Variants in OFD1 observed in about 807,000 individuals in gnomAD.
OFD1 encodes the protein OFD1 centriole and centriolar satellite protein.
Under a neutral mutation model 81.4 loss-of-function variants are expected in OFD1, and 12 were observed. The ratio of observed to expected loss-of-function variants is 0.15; its 90% CI spans 0.09 to 0.24. The LOEUF (loss-of-function observed/expected upper bound fraction) is 0.24. Ranked by LOEUF, OFD1 falls within the 10% of genes least tolerant of loss-of-function variation. OFD1 has a pLI of 1.00. For synonymous variants in OFD1, 256 were observed against 263.7 expected (o/e 0.97, Z 0.28); for missense variants, 685 against 733.9 (o/e 0.93, Z 0.77).
downstream of OFD1, among the ~76,000 whole-genome samples, chrX:13,770,267 G>T (rs1291995081): frequency 8.9e-6 from 1 of 111,982 alleles, no homozygotes; most frequent in African/African-American, 3.2e-5. Context: ...TTAAACAGAA[G>T]ATACTAAGTA....
chrX:13,740,350 G>A, intron 5 of OFD1: 1 of 303,561 alleles, frequency 3.3e-6, no homozygotes, highest in Non-Finnish European at 6.1e-6. Context: ...TGTGGCTAGT[G>A]TGACTGGATA....
At chrX:13,716,472 T>A in the OFD1 span, 14 of 1,168,077 alleles carry the variant, frequency 1.2e-5, no homozygotes, top group Middle Eastern at 2.4e-4. Flanking sequence ...CTATGTTCCA[T>A]GTTCTTCTGG....
At chrX:13,773,301 G>A (rs72614512), downstream of OFD1, 8,295 of 206,103 alleles carry the variant, frequency 0.04, 259 homozygotes, top group East Asian at 0.14. Context: ...AATGAAATAC[G>A]AGAGGGTGCT....
At chrX:13,739,399 C>A (rs746413507) in intron 5 of OFD1, 1 of 167,854 alleles carries the variant, frequency 6.0e-6, no homozygotes, top group African/African-American at 3.1e-5. Context: ...ATTAATATTT[C>A]CTTAAAGAAT....
At chrX:13,716,246 AGAG>A in the OFD1 span, 2 of 649,960 alleles carry the variant, frequency 3.1e-6, no homozygotes, top group East Asian at 7.2e-5. Flanking sequence ...TTTATCATAA[AGAG>A]AACATAAGCT....
rs745656062 is a variant in OFD1 at position 13,738,924 on chromosome X, C to G, written c.381+10C>G. The G allele has an allele frequency of 4.2e-6, 5 of 1,182,352 alleles. No homozygotes were observed. In the East Asian group the frequency reaches 1.2e-4, roughly 28 times the overall value. The stretch of plus-strand genomic sequence containing the variant: ...TCTCTACAAATCACTGGTAAGATGG[C>G]TTAGTTTCTGTAATCTACTTTGGTT... On this transcript the variant is annotated intron_variant, in intron 4 of 22. Coordinates refer to ENST00000340096, the MANE Select transcript of OFD1 (RefSeq NM_003611.3).
rs776834508 is a variant in OFD1 at position 13,746,435 on chromosome X, C to T, written c.634C>T (p.Arg212Trp). 8 of 1,209,654 alleles carry T rather than the reference C, an allele frequency of 6.6e-6. No homozygotes were observed. The highest frequency in any genetic ancestry group is 3.0e-5 in the East Asian group (1 of 33,841). The change falls in exon 7 of 23, where the codon CGG (arginine) becomes TGG (tryptophan). Residue 212 changes from arginine to tryptophan, a missense_variant. This residue lies in a region of OFD1 where 414 missense variants were observed against 447.2 expected (regional missense o/e 0.93). Coordinates refer to ENST00000340096, the MANE Select transcript of OFD1 (RefSeq NM_003611.3). ...TAAGAGAGAAATAGAAGAGCAACTT[C>T]GGGCAGAAATGTGTCAAAAGGTAAG... ...EYKREIEEQLRAEMCQKLKFF... is the reference protein window; with the variant it reads ...EYKREIEEQLWAEMCQKLKFF...
chrX:13,767,963 AG>A, intron 20 of OFD1, 90 bp from the exon 21 acceptor site: 2 of 913,131 alleles, frequency 2.2e-6, no homozygotes, highest in Non-Finnish European at 3.1e-6. Flanking sequence ...CTGTACTTGA[AG>A]GATCGGGATT....
chrX:13,763,779 C>T lies in OFD1; in HGVS notation c.2523C>T (p.Gly841=), dbSNP rs757258869. The T allele has an allele frequency of 2.5e-5, 30 of 1,209,334 alleles. No individual in the cohort carries two copies. The highest frequency in any genetic ancestry group is 1.4e-4 in the South Asian group (8 of 56,784). Residue 841 remains glycine, a synonymous_variant, in exon 19 of 23, where the codon GGC becomes GGT. Coordinates refer to ENST00000340096, the MANE Select transcript of OFD1 (RefSeq NM_003611.3). ...AGNMPRQLEM[G]GLSPAGDMSH... is the part of the protein sequence containing the mutation. The stretch of plus-strand genomic sequence containing the variant: ...ACATGCCAAGGCAGTTGGAAATGGG[C>T]GGGCTTTCTCCTGCCGGGGATATGT...
the OFD1 span, chrX:13,720,015 T>C: frequency 7.7e-5 from 71 of 924,125 alleles, 1 homozygote; most frequent in South Asian, 2.2e-3. Flanking sequence ...ATATTTTTAG[T>C]AGTCAATCTT....
chrX:13,745,046 C>T (rs1463006072), intron 6 of OFD1, among the ~76,000 whole-genome samples: 1 of 112,017 alleles, frequency 8.9e-6, no homozygotes, highest in Non-Finnish European at 1.9e-5. Flanking sequence ...GCAGTACCAT[C>T]CTGTCTGTCA....
chrX:13,736,064 A>G, intron 2 of OFD1: 2 of 646,788 alleles, frequency 3.1e-6, no homozygotes, highest in Non-Finnish European at 3.8e-6. Context: ...TAATGTATAT[A>G]GCAGTCCCCT....
At chrX:13,739,762 A>T in intron 5 of OFD1, 1 of 712,782 alleles carries the variant, frequency 1.4e-6, no homozygotes, top group Non-Finnish European at 1.7e-6. Context: ...AAAAAAAAAA[A>T]TGTTTATATA....
Position 13,735,464 on chromosome X carries a change from A to T in OFD1, c.111+118A>T, listed in dbSNP as rs1342578598. The T allele has an allele frequency of 4.1e-5, 23 of 562,385 alleles. No homozygotes were observed. In the East Asian group the frequency reaches 6.7e-4, roughly 16 times the overall value. The allele number at this position is 562,385 out of a possible 1,213,427, so 46.3% of individuals were successfully genotyped here. The stretch of plus-strand genomic sequence containing the variant: ...TATGATACATAGATTGTATTGGTGA[A>T]TTACATTTTTATATTCCCGAATAAC... On this transcript the variant is annotated intron_variant, in intron 2 of 22. Coordinates refer to ENST00000340096, the MANE Select transcript of OFD1 (RefSeq NM_003611.3).
intron 17 of OFD1, 61 bp from the exon 18 acceptor site, chrX:13,762,283 C>T (rs1012156739): frequency 6.7e-6 from 5 of 748,579 alleles, no homozygotes; most frequent in African/African-American, 2.1e-5. Flanking sequence ...GGCTTTTTGT[C>T]ACCTTGTACT....
chrX:13,765,733 G>A (rs2048100603), intron 19 of OFD1, among the ~76,000 whole-genome samples: 1 of 111,892 alleles, frequency 8.9e-6, no homozygotes, highest in African/African-American at 3.3e-5. Context: ...ATTGTCTCTG[G>A]GATTGGGGTC....
intron 14 of OFD1, 55 bp downstream of exon 14, chrX:13,757,845 G>A (rs1047804185): frequency 2.6e-6 from 3 of 1,165,072 alleles, no homozygotes; most frequent in African/African-American, 1.8e-5. Context: ...TCATAGTTAC[G>A]TAAACTTGGC....
At chrX:13,742,984 G>T (rs2047167348) in intron 5 of OFD1, among the ~76,000 whole-genome samples, 1 of 111,948 alleles carries the variant, frequency 8.9e-6, no homozygotes, top group Admixed American at 9.4e-5. Context: ...GAGTGGGGGT[G>T]GGGGAAAAGG....
chrX:13,755,407 A>C (rs572933003), intron 12 of OFD1, among the ~76,000 whole-genome samples, 165 bp downstream of exon 12: 1 of 112,454 alleles, frequency 8.9e-6, no homozygotes, highest in Non-Finnish European at 1.9e-5. Context: ...AATTTCAGTC[A>C]GTGTCACATA....
Sources: gnomAD v4.1 joint callset for allele counts (sites outside exome capture counted in the v4.1 genomes callset) on GRCh38, gnomAD v4.1.1 for gene constraint, gnomAD v4.1.1 regional missense constraint, MANE v1.5 for transcripts, NCBI Gene and HGNC (gene_info 2026-07-23, HGNC 2026-07-21) for gene names.